The following COL12A1 variants were observed in gnomAD, a reference collection of about 807,000 sequenced individuals.
The protein encoded by COL12A1 is collagen type XII alpha 1 chain, also known as collagen alpha-1(XII) chain.
Under a neutral mutation model 349.7 loss-of-function variants are expected in COL12A1, and 114 were observed. That is an observed-to-expected ratio of 0.33 (90% CI 0.28 to 0.38). COL12A1 has a LOEUF of 0.38. COL12A1 is among the 10% of genes least tolerant of loss of function. The pLI is 1.00. For synonymous variants in COL12A1, 1,369 were observed against 1,329.0 expected (o/e 1.03, Z -0.66); for missense variants, 3,284 against 3,756.9 (o/e 0.87, Z 3.29).
At position 75,130,113 on chromosome 6, in the gene COL12A1, A is replaced by G. The variant is rs1011558658; in HGVS notation, c.6188T>C (p.Val2063Ala). The stretch of plus-strand genomic sequence containing the variant: ...TACATATTCATCAATTGGATCACCA[A>G]CAGTGGGAGAATAGATGATCCTGTA... ...QQYRIIYSPT[V>A]GDPIDEYTTV... Residue 2063 changes from valine to alanine, a missense_variant, in exon 37 of 66, where the codon GTT becomes GCT. Val to Ala is a moderately conservative substitution (Grantham distance 64). Transcript: ENST00000322507. 1.2e-6 allele frequency: 2 copies of G among 1,613,878 alleles called. No homozygotes were observed. Among genetic ancestry groups the G allele is most frequent in the Non-Finnish European group, 1.7e-6 (2 of 1,179,920 alleles).
In COL12A1 at chr6:75,146,101, C is replaced by A; in HGVS notation, c.4560+1G>T. On this transcript the variant is annotated splice_donor_variant, in intron 24 of 65. Transcript: ENST00000322507. LOFTEE classifies it high-confidence loss of function. ...ATGTTAAAGAAACAAACATCTTTCA[C>A]CTCTTTGGGTCTTGTTGGCTCTGTG... 6.3e-7 allele frequency: 1 copy of A among 1,590,166 alleles called. No homozygotes were observed.
chr6:75,106,087 C>T (rs1768530002), intron 53 of COL12A1, among the ~76,000 whole-genome samples: 1 of 152,116 alleles, frequency 6.6e-6, no homozygotes, highest in Admixed American at 6.6e-5. Context: ...CCTTAGTCAT[C>T]CAGAAAGGTG....
chr6:75,177,927 C>A lies in COL12A1; in HGVS notation c.2173G>T (p.Ala725Ser), dbSNP rs984509796. 4 of 1,592,050 alleles carry A rather than the reference C, an allele frequency of 2.5e-6. No individual in the cohort carries two copies. The African/African-American group carries it at 5.4e-5, about 22-fold the overall frequency. ...TCTGTCACCTTTAGGTTTCGAGGTG[C>A]TCCTTTTACTGAAATAAAAAAGGAA... ...GEETTEEVKGAPRNLKVTDET... is the reference protein window; with the variant it reads ...GEETTEEVKGSPRNLKVTDET... Residue 725 changes from alanine (A) to serine (S), a missense_variant, in exon 12 of 66, where the codon GCA (alanine) becomes TCA (serine). By Grantham distance (99) the Ala-to-Ser change is moderately conservative. This residue lies in a region of COL12A1 where 2,601 missense variants were observed against 2,824.8 expected (regional missense o/e 0.92). Transcript: ENST00000322507.
chr6:75,181,972 T>C (rs1273493448), intron 10 of COL12A1, among the ~76,000 whole-genome samples: 19 of 151,212 alleles, frequency 1.3e-4, no homozygotes, highest in Admixed American at 1.1e-3. Flanking sequence ...GGCACACTCC[T>C]GTAGTTCCAG....
intron 37 of COL12A1, 44 bp from the exon 38 acceptor site, chr6:75,128,469 C>T: frequency 6.8e-7 from 1 of 1,465,462 alleles, no homozygotes; most frequent in Non-Finnish European, 9.1e-7. Context: ...ATCTAGAAGA[C>T]TTCCAGATCA....
intron 55 of COL12A1, among the ~76,000 whole-genome samples, 171 bp downstream of exon 55, chr6:75,103,586 G>A (rs1768405809): frequency 6.6e-6 from 1 of 152,134 alleles, no homozygotes; most frequent in Non-Finnish European, 1.5e-5. Flanking sequence ...TCTCTGGCTA[G>A]TCTAATCCAT....
chr6:75,197,362 G>A (rs1009369676), intron 2 of COL12A1, among the ~76,000 whole-genome samples: 6 of 149,636 alleles, frequency 4.0e-5, no homozygotes, highest in Non-Finnish European at 7.4e-5. Flanking sequence ...GCCCAGGCTG[G>A]AGTGCAGTGG....
intron 43 of COL12A1, among the ~76,000 whole-genome samples, chr6:75,122,827 A>G (rs1163516866): frequency 6.6e-6 from 1 of 152,248 alleles, no homozygotes; most frequent in Non-Finnish European, 1.5e-5. Context: ...ATCAACCTTA[A>G]TAAATCAGTA....
intron 49 of COL12A1, among the ~76,000 whole-genome samples, chr6:75,114,146 GA>G (rs1019456981): frequency 5.3e-5 from 8 of 151,694 alleles, no homozygotes; most frequent in Non-Finnish European, 1.0e-4. Flanking sequence ...ATCATTTAAA[GA>G]GAATGAATCT....
chr6:75,170,828 T>C (rs1029097329), intron 13 of COL12A1, among the ~76,000 whole-genome samples: 3 of 152,194 alleles, frequency 2.0e-5, no homozygotes, highest in African/African-American at 7.2e-5. Flanking sequence ...GCAGAATTCC[T>C]GAGATGTGCT....
In COL12A1 at chr6:75,142,059, G is replaced by A; in HGVS notation, c.4930C>T (p.Pro1644Ser). 1 of 1,614,114 alleles carries A rather than the reference G, an allele frequency of 6.2e-7. No homozygotes were observed. The highest frequency in any genetic ancestry group is 8.5e-7 in the Non-Finnish European group (1 of 1,179,988). Reference sequence around the variant, plus strand: ...GTAGTTTCTTGAGCAGTCACTGGAGGAGACTCCCCCTCGTCATGTACTGCA... The same window carrying A: ...GTAGTTTCTTGAGCAGTCACTGGAGAAGACTCCCCCTCGTCATGTACTGCA... The part of the protein sequence containing the change: ...VSAVHDEGES[P>S]PVTAQETTRP... Residue 1644 changes from proline (P) to serine (S), a missense_variant, in exon 27 of 66, where the codon CCT becomes TCT. Pro to Ser is a moderately conservative substitution (Grantham distance 74). Around this residue, in one of 2 missense-constraint regions of COL12A1, gnomAD observed 2,601 missense variants for 2,824.8 expected, o/e 0.92. Transcript: ENST00000322507.
chr6:75,117,820 G>A (rs1022324066), intron 46 of COL12A1: 4 of 319,282 alleles, frequency 1.3e-5, no homozygotes, highest in South Asian at 4.7e-5. Flanking sequence ...TTCATGTGGT[G>A]CACACTGCCT....
intron 52 of COL12A1, among the ~76,000 whole-genome samples, chr6:75,108,807 T>G (rs373788998): frequency 1.3e-5 from 2 of 152,256 alleles, no homozygotes; most frequent in East Asian, 1.9e-4. Flanking sequence ...CATCTTATTT[T>G]GTTTCTAGCA....
At chr6:75,100,406 G>A (rs9447444) in intron 58 of COL12A1, among the ~76,000 whole-genome samples, 7,306 of 152,076 alleles carry the variant, frequency 0.048, 572 homozygotes, top group African/African-American at 0.17. Flanking sequence ...GCAATATTCT[G>A]GGGTTTATTT....
At chr6:75,128,217 G>T in intron 38 of COL12A1, 79 bp downstream of exon 38, 1 of 1,315,220 alleles carries the variant, frequency 7.6e-7, no homozygotes, top group Non-Finnish European at 1.0e-6. Flanking sequence ...AAAATTTTAG[G>T]TTTTAAAAGG....
intron 12 of COL12A1, 139 bp from the exon 13 acceptor site, chr6:75,175,449 C>G (rs1464028901): frequency 1.0e-6 from 1 of 996,428 alleles, no homozygotes; most frequent in East Asian, 2.6e-5. Context: ...TAACTGTTGA[C>G]CAGCCAACAA....
At chr6:75,105,585 A>G (rs1481663733) in intron 53 of COL12A1, among the ~76,000 whole-genome samples, 4 of 152,056 alleles carry the variant, frequency 2.6e-5, no homozygotes, top group African/African-American at 9.7e-5. Flanking sequence ...TGTACCTCAA[A>G]TATCAATTCC....
Position 75,085,076 on chromosome 6 carries a change from A to G in COL12A1, c.*1471T>C, listed in dbSNP as rs1386955880. 4 of 352,520 alleles carry G rather than the reference A, an allele frequency of 1.1e-5. No individual in the cohort carries two copies. The East Asian group carries it at 3.0e-4, about 26-fold the overall frequency. 21.8% of individuals were successfully genotyped at this position (352,520 alleles called of 1,614,324 possible). A position where few individuals can be genotyped will look rare whatever the true frequency, so the allele number is the denominator to read the frequency against. On this transcript the variant is annotated 3_prime_UTR_variant, in exon 66 of 66. Coordinates refer to ENST00000322507, the MANE Select transcript of COL12A1 (RefSeq NM_004370.6). The stretch of plus-strand genomic sequence containing the variant: ...CTACAATCAGAAAGGGTACTCCTGG[A>G]TGAGCAACGCTGGAAGAAACACCTC...
At chr6:75,178,441 G>GA (rs1769092172) in intron 11 of COL12A1, among the ~76,000 whole-genome samples, 1 of 152,176 alleles carries the variant, frequency 6.6e-6, no homozygotes, top group Admixed American at 6.5e-5. Context: ...TTGACTTGGA[G>GA]AATAATTCAA....
Sources: allele counts gnomAD v4.1 joint callset (sites outside exome capture counted in the v4.1 genomes callset), GRCh38; gene constraint gnomAD v4.1.1; regional missense constraint gnomAD v4.1.1; transcripts MANE v1.5; gene names NCBI Gene and HGNC (gene_info 2026-07-23, HGNC 2026-07-21).